Variants in PRDM16 observed in about 807,000 individuals in gnomAD.
PRDM16 encodes the protein PR/SET domain 16, also known as histone-lysine N-methyltransferase PRDM16.
In PRDM16, 23 loss-of-function variants were observed where a neutral mutation model predicts 110.6. That is an observed-to-expected ratio of 0.21 (90% CI 0.15 to 0.29). PRDM16 has a LOEUF of 0.29. PRDM16 is among the 10% of genes least tolerant of loss of function. PRDM16 has a pLI of 1.00. For synonymous variants in PRDM16, 799 were observed against 781.8 expected, an observed-to-expected ratio of 1.02 and a Z score of -0.37; for missense variants, 1,615 against 1,794.3, an observed-to-expected ratio of 0.90 and a Z score of 1.81.
intron 1 of PRDM16, among the ~76,000 whole-genome samples, chr1:3,093,143 A>G (rs1339470494): frequency 6.6e-6 from 1 of 151,998 alleles, no homozygotes; most frequent in African/African-American, 2.4e-5. Flanking sequence ...AGGAATTCTC[A>G]CCCCTTCATA....
intron 3 of PRDM16, among the ~76,000 whole-genome samples, chr1:3,352,759 C>G (rs968736035): frequency 3.3e-5 from 5 of 152,186 alleles, no homozygotes; most frequent in African/African-American, 4.8e-5. Context: ...TGCGATTGGC[C>G]GCATATTGAA....
At chr1:3,105,303 G>A (rs923123333) in intron 1 of PRDM16, among the ~76,000 whole-genome samples, 3 of 152,184 alleles carry the variant, frequency 2.0e-5, no homozygotes, top group Non-Finnish European at 4.4e-5. Context: ...CTGACACCCC[G>A]CTTCCTCCAG....
intron 1 of PRDM16, among the ~76,000 whole-genome samples, chr1:3,072,685 G>T (rs887790430): frequency 2.6e-5 from 4 of 152,168 alleles, no homozygotes; most frequent in Admixed American, 2.0e-4. Flanking sequence ...CCGTCCACCA[G>T]TCCCCTCCCC....
At chr1:3,257,052 T>C (rs1640067379) in intron 3 of PRDM16, among the ~76,000 whole-genome samples, 1 of 152,214 alleles carries the variant, frequency 6.6e-6, no homozygotes, top group Non-Finnish European at 1.5e-5. Context: ...GGGGGTGTTT[T>C]ACTTGTTAAT....
At chr1:3,376,351 C>A (rs948276907) in intron 3 of PRDM16, among the ~76,000 whole-genome samples, 8 of 152,208 alleles carry the variant, frequency 5.3e-5, no homozygotes, top group African/African-American at 1.9e-4. Context: ...AAAAGCAGAG[C>A]CCCCCAGGCG....
rs1158433348 is a variant in PRDM16, at chr1:3,209,074, G to C, written c.387+22600G>C. ...AGAGAGCAGTGGGAATTCAGAAGGA[G>C]CTCAGAAGGGAATGCCCTGTGCCAA... On this transcript the variant is annotated intron_variant, in intron 2 of 16. Transcript: ENST00000270722. This position sits in a 1 kb window ranked among gnomAD's most constrained non-coding sequence, Gnocchi z 4.6. 6.6e-6 allele frequency among the ~76,000 whole-genome samples: 1 copy of C among 152,316 alleles called. No homozygotes were observed. Among genetic ancestry groups the C allele is most frequent in the South Asian group, 2.1e-4 (1 of 4,822 alleles).
At position 3,133,787 on chromosome 1, in the gene PRDM16, G is replaced by T. The variant is rs796721777; in HGVS notation, c.38-52338G>T. On this transcript the variant is annotated intron_variant, in intron 1 of 16. Transcript: ENST00000270722. Reference sequence around the variant, plus strand: ...TGAAGTGGCCCGTGCTGCCTGCTGGGAGCCAAGGGTATGCAGGCAAGGGGC... The same window carrying T: ...TGAAGTGGCCCGTGCTGCCTGCTGGTAGCCAAGGGTATGCAGGCAAGGGGC... 6 of 152,334 alleles carry T rather than the reference G, an allele frequency of 3.9e-5. No individual in the cohort carries two copies. The East Asian group carries it at 1.2e-3, about 29-fold the overall frequency. The allele number at this position is 152,334 out of a possible 1,614,324, so 9.4% of individuals were successfully genotyped here. A position where few individuals can be genotyped will look rare whatever the true frequency, so the allele number is the denominator to read the frequency against.
intron 1 of PRDM16, among the ~76,000 whole-genome samples, chr1:3,174,519 C>G (rs577521282): frequency 4.2e-4 from 64 of 152,262 alleles, no homozygotes; most frequent in African/African-American, 1.5e-3. Flanking sequence ...TGGACAAGCC[C>G]TGGAGTGGGT....
chr1:3,426,343 G>A (rs978903115), intron 14 of PRDM16, 118 bp downstream of exon 14: 13 of 767,134 alleles, frequency 1.7e-5, no homozygotes, highest in South Asian at 1.9e-5. Flanking sequence ...CCAGATAGGC[G>A]CAGTGGGGGC....
rs569681554 is a variant in PRDM16 at position 3,210,821 on chromosome 1, G to A, written c.387+24347G>A. Among the ~76,000 whole-genome samples the A allele has an allele frequency of 7.9e-5, 12 of 152,226 alleles. No individual in the cohort carries two copies. The South Asian group carries it at 1.5e-3, about 18-fold the overall frequency. On this transcript the variant is annotated intron_variant, in intron 2 of 16. Transcript: ENST00000270722. Reference sequence around the variant, plus strand: ...ATTCGTTAGATATCGCTTTGTCCACGTATTCATGAGATATTTGTTTATTCA... The same window carrying A: ...ATTCGTTAGATATCGCTTTGTCCACATATTCATGAGATATTTGTTTATTCA...
rs973630544 is a variant in PRDM16 at position 3,396,266 on chromosome 1, C to G, written c.574-225C>G. ...ATCCTACCTGTTTAGTCGGCCACCCCCTTTATGAATATCCTAAAACCCAAT... is the reference window on the plus strand; with the variant it reads ...ATCCTACCTGTTTAGTCGGCCACCCGCTTTATGAATATCCTAAAACCCAAT... On this transcript the variant is annotated intron_variant, in intron 4 of 16. Transcript: ENST00000270722. 28 of 600,882 alleles carry G rather than the reference C, an allele frequency of 4.7e-5. No individual in the cohort carries two copies. The Middle Eastern group carries it at 1.5e-3, about 33-fold the overall frequency. 37.2% of individuals were successfully genotyped at this position (600,882 alleles called of 1,614,324 possible).
At chr1:3,285,676 C>T (rs183894948) in intron 3 of PRDM16, among the ~76,000 whole-genome samples, 15 of 152,318 alleles carry the variant, frequency 9.8e-5, no homozygotes, top group Admixed American at 2.0e-4. Context: ...GGTCCCTGGA[C>T]GGCCAAGGTC....
At chr1:3,367,371 G>T (rs532367485) in intron 3 of PRDM16, among the ~76,000 whole-genome samples, 2 of 152,332 alleles carry the variant, frequency 1.3e-5, no homozygotes, top group East Asian at 3.9e-4. Flanking sequence ...GACAGGAAGC[G>T]TGTGCGGGTT....
At chr1:3,298,652 C>G (rs1641141596) in intron 3 of PRDM16, among the ~76,000 whole-genome samples, 1 of 152,082 alleles carries the variant, frequency 6.6e-6, no homozygotes. Context: ...AGAGACTCTC[C>G]TGCTTGTTCA....
At chr1:3,122,381 C>G (rs1420293485) in intron 1 of PRDM16, among the ~76,000 whole-genome samples, 1 of 152,110 alleles carries the variant, frequency 6.6e-6, no homozygotes, top group Non-Finnish European at 1.5e-5. Context: ...ATGGCAGATC[C>G]CGGAAACAGC....
chr1:3,374,589 C>T (rs563088208), intron 3 of PRDM16, among the ~76,000 whole-genome samples: 13 of 152,292 alleles, frequency 8.5e-5, no homozygotes, highest in African/African-American at 1.9e-4. Flanking sequence ...GCCCTCTGTG[C>T]GACTGTGGCC....
intron 1 of PRDM16, among the ~76,000 whole-genome samples, chr1:3,145,046 C>T (rs1040404314): frequency 1.3e-5 from 2 of 152,148 alleles, no homozygotes; most frequent in Non-Finnish European, 2.9e-5. Context: ...AAGGAACACC[C>T]TAGATGTCCC....
intron 7 of PRDM16, 127 bp downstream of exon 7, chr1:3,405,013 C>T (rs1392410059): frequency 9.7e-7 from 1 of 1,030,038 alleles, no homozygotes; most frequent in Non-Finnish European, 1.4e-6. Flanking sequence ...GGTAGGAGGC[C>T]CCTGCGGTGG....
chr1:3,195,090 G>T (rs937895815), intron 2 of PRDM16, among the ~76,000 whole-genome samples: 1 of 152,194 alleles, frequency 6.6e-6, no homozygotes, highest in Non-Finnish European at 1.5e-5. Context: ...CGGGCAGCTC[G>T]GCGAGGCACA....
Sources: gnomAD v4.1 joint callset for allele counts (sites outside exome capture counted in the v4.1 genomes callset) on GRCh38, gnomAD v4.1.1 for gene constraint, Gnocchi (gnomAD v3.1) non-coding constraint, MANE v1.5 for transcripts, NCBI Gene and HGNC (gene_info 2026-07-23, HGNC 2026-07-21) for gene names.